Variants in NAA16 observed in about 807,000 individuals in gnomAD.
The protein encoded by NAA16 is NARG1-like protein.
A neutral mutation model predicts 110.3 loss-of-function variants in NAA16; 97 were observed. That is an observed-to-expected ratio of 0.88 (90% confidence interval 0.75 to 1.04). The LOEUF (loss-of-function observed/expected upper bound fraction) is 1.04. Ranked by LOEUF, NAA16 falls within the 50% of genes least tolerant of loss-of-function variation. NAA16 has a pLI of 0.00. For missense variants in NAA16, 1,017 were observed against 1,005.1 expected (o/e 1.01, Z -0.16); for synonymous variants, 372 against 330.6 (o/e 1.13, Z -1.36).
chr13:41,338,887 G>C (rs1385466322), intron 9 of NAA16, among the ~76,000 whole-genome samples: 3 of 152,032 alleles, frequency 2.0e-5, no homozygotes, highest in African/African-American at 7.2e-5. Flanking sequence ...CTGCACCCCA[G>C]GAAGCCATTT....
chr13:41,369,278 G>A lies in NAA16; in HGVS notation c.1942G>A (p.Glu648Lys). Residue 648 changes from glutamate (E) to lysine (K), a missense_variant, in exon 15 of 20, where the codon GAA becomes AAA. Transcript: ENST00000379406. ...LKEELIPEKL[E>K]RVENPLEEAV... is the part of the protein sequence containing the mutation. ...GGAAGAACTTATACCTGAAAAATTA[G>A]AAAGGGTGAGATGGGTTTTACTATC... The A allele has an allele frequency of 6.4e-7, 1 of 1,563,880 alleles. No individual in the cohort carries two copies. Among genetic ancestry groups the A allele is most frequent in the Non-Finnish European group, 8.6e-7 (1 of 1,165,672 alleles).
At chr13:41,353,113 TCAAAACAAAA>T (rs57333303) in intron 9 of NAA16, among the ~76,000 whole-genome samples, 140 of 150,536 alleles carry the variant, frequency 9.3e-4, no homozygotes, top group African/African-American at 3.1e-3. Flanking sequence ...AGACTCCATC[TCAAAACAAAA>T]CAAAACAAAA....
chr13:41,314,619 G>A (rs1385841290), intron 1 of NAA16, among the ~76,000 whole-genome samples: 1 of 152,106 alleles, frequency 6.6e-6, no homozygotes, highest in African/African-American at 2.4e-5. Flanking sequence ...ATTGCTAGTG[G>A]CATTTTGCTT....
At chr13:41,328,256 T>C (rs1276836034) in intron 6 of NAA16, among the ~76,000 whole-genome samples, 1 of 152,152 alleles carries the variant, frequency 6.6e-6, no homozygotes, top group Non-Finnish European at 1.5e-5. Flanking sequence ...TTTAGTGTTA[T>C]AATTTCACTG....
In NAA16 at chr13:41,372,795, G is replaced by C. The variant is rs1434447386; in HGVS notation, c.2120G>C (p.Trp707Ser). 6.3e-7 allele frequency: 1 copy of C among 1,591,940 alleles called. No individual in the cohort carries two copies. The highest frequency in any genetic ancestry group is 1.7e-5 in the Admixed American group (1 of 58,666). Residue 707 changes from tryptophan to serine, a missense_variant, in exon 17 of 20, where the codon TGG becomes TCG. Transcript: ENST00000379406. ...RAFAINSNNP[W>S]LHECLIRFSK... ...TTTGCCATTAACAGTAATAACCCAT[G>C]GTTACATGAATGTTTAATTAGATTT...
rs941360802 is a variant in NAA16 at position 41,376,615 on chromosome 13, G to A, written c.*1013G>A. On this transcript the variant is annotated 3_prime_UTR_variant, in exon 20 of 20. Coordinates refer to ENST00000379406, the MANE Select transcript of NAA16 (RefSeq NM_024561.5). ...GCTTATACTGAGGTGTGCTTCAAGG[G>A]AGCATTATAGGGCAGAAAACAAATT... 8 of 152,164 alleles carry A rather than the reference G, an allele frequency of 5.3e-5. No individual in the cohort carries two copies. The highest frequency in any genetic ancestry group is 1.9e-4 in the African/African-American group (8 of 41,452). The allele number at this position is 152,164 out of a possible 1,614,324, so 9.4% of individuals were successfully genotyped here. A position where few individuals can be genotyped will look rare whatever the true frequency, so the allele number is the denominator to read the frequency against.
intron 9 of NAA16, among the ~76,000 whole-genome samples, chr13:41,350,682 G>A (rs554767651): frequency 2.5e-4 from 37 of 146,548 alleles, no homozygotes; most frequent in African/African-American, 8.4e-4. Context: ...GCACAATGGC[G>A]CAATCTTGGT....
intron 8 of NAA16, among the ~76,000 whole-genome samples, chr13:41,331,654 G>T (rs1165808369): frequency 6.6e-6 from 1 of 152,054 alleles, no homozygotes; most frequent in African/African-American, 2.4e-5. Flanking sequence ...AGGGGAGTGT[G>T]GGGGAGAGAT....
intron 15 of NAA16, 31 bp downstream of exon 15, chr13:41,369,314 G>A: frequency 6.7e-7 from 1 of 1,488,360 alleles, no homozygotes; most frequent in South Asian, 1.5e-5. Context: ...TTTGTTATTT[G>A]GTAAAATTTA....
chr13:41,351,058 A>T (rs2042823168), intron 9 of NAA16, among the ~76,000 whole-genome samples: 1 of 152,234 alleles, frequency 6.6e-6, no homozygotes. Flanking sequence ...ACGTTCAATG[A>T]GTCAACATCC....
intron 5 of NAA16, among the ~76,000 whole-genome samples, chr13:41,324,879 G>GT (rs796608842): frequency 0.039 from 5,188 of 134,070 alleles, 296 homozygotes; most frequent in African/African-American, 0.13. Context: ...ACAATGTTGT[G>GT]TTTTTTTTTT....
chr13:41,372,591 GC>G, intron 16 of NAA16, 140 bp from the exon 17 acceptor site: 1 of 1,325,712 alleles, frequency 7.5e-7, no homozygotes. Context: ...GACTTTGATA[GC>G]CAGAGTCAAC....
intron 2 of NAA16, among the ~76,000 whole-genome samples, chr13:41,317,590 A>C (rs1296535106): frequency 6.6e-6 from 1 of 152,212 alleles, no homozygotes; most frequent in African/African-American, 2.4e-5. Context: ...TCTTATTGGG[A>C]AAATAGGCTG....
intron 1 of NAA16, among the ~76,000 whole-genome samples, chr13:41,315,714 C>T (rs890174690): frequency 3.3e-5 from 5 of 152,116 alleles, no homozygotes; most frequent in African/African-American, 4.8e-5. Context: ...TTCATTCTTG[C>T]GGTAGCAAAG....
In NAA16 at chr13:41,318,849, AAAAG is replaced by A. The variant is rs1156880326; in HGVS notation, c.186_189del (p.Glu63LysfsTer37). 1.9e-6 allele frequency: 3 copies of A among 1,604,856 alleles called. No homozygotes were observed. The highest frequency in any genetic ancestry group is 2.6e-6 in the Non-Finnish European group (3 of 1,176,032). On this transcript the variant is annotated frameshift_variant, in exon 3 of 20. Transcript: ENST00000379406. LOFTEE classifies it high-confidence loss of function. Reference sequence around the variant, plus strand: ...GATTAACACTGAACTGTTTAGGAAAAAAAGAAGAAGCTTATGAGTTTGTTCGTAA... The same window carrying A: ...GATTAACACTGAACTGTTTAGGAAAAAAGAAGCTTATGAGTTTGTTCGTAA...
At chr13:41,335,923 C>CA (rs1158513669) in intron 8 of NAA16, among the ~76,000 whole-genome samples, 21 of 151,180 alleles carry the variant, frequency 1.4e-4, no homozygotes, top group Admixed American at 1.4e-3. Context: ...TCCATACTGT[C>CA]AAAAAATTCT....
At position 41,370,080 on chromosome 13, in the gene NAA16, G is replaced by T. The variant is rs538910861; in HGVS notation, c.1947+797G>T. ...TTTCTCAAGTGTTAATAGTTGTTTTGGGATCAGATTTAAGGAAATATTTAG... is the reference window on the plus strand; with the variant it reads ...TTTCTCAAGTGTTAATAGTTGTTTTTGGATCAGATTTAAGGAAATATTTAG... On this transcript the variant is annotated intron_variant, in intron 15 of 19. Coordinates refer to ENST00000379406, the MANE Select transcript of NAA16 (RefSeq NM_024561.5). Among the ~76,000 whole-genome samples the T allele has an allele frequency of 7.2e-5, 11 of 152,240 alleles. No individual in the cohort carries two copies. In the East Asian group the frequency reaches 2.1e-3, roughly 29 times the overall value.
chr13:41,328,914 A>G (rs1341301396), intron 7 of NAA16, 71 bp downstream of exon 7: 2 of 1,308,264 alleles, frequency 1.5e-6, no homozygotes, highest in East Asian at 2.4e-5. Flanking sequence ...AGTTGTAATA[A>G]TACTTGGGAA....
chr13:41,350,127 C>T (rs1484457336), intron 9 of NAA16, among the ~76,000 whole-genome samples: 1 of 151,404 alleles, frequency 6.6e-6, no homozygotes, highest in Admixed American at 6.6e-5. Flanking sequence ...AAAAATCAGC[C>T]AAGTACAGTG....
Sources: gnomAD v4.1 joint callset for allele counts (sites outside exome capture counted in the v4.1 genomes callset) on GRCh38, gnomAD v4.1.1 for gene constraint, MANE v1.5 for transcripts, NCBI Gene and HGNC (gene_info 2026-07-23, HGNC 2026-07-21) for gene names.